The following DMPK variants were observed in gnomAD, a reference collection of about 807,000 sequenced individuals.
DMPK encodes DM1 protein kinase, also known as myotonin-protein kinase.
A neutral mutation model predicts 70.3 loss-of-function variants in DMPK; 32 were observed. That is an observed-to-expected ratio of 0.46 (90% CI 0.34 to 0.61). The LOEUF (loss-of-function observed/expected upper bound fraction) is 0.61. DMPK is among the 20% of genes least tolerant of loss of function. DMPK has a pLI of 0.01. For synonymous variants in DMPK, 469 were observed against 390.9 expected (o/e 1.20, Z -2.36); for missense variants, 899 against 886.0 (o/e 1.01, Z -0.19).
In DMPK at chr19:45,777,668, T is replaced by C; in HGVS notation, c.881A>G (p.Lys294Arg). Residue 294 changes from lysine (K) to arginine (R), a missense_variant and splice_region_variant, in exon 7 of 15, where the codon AAG becomes AGG. Around this residue, in one of 3 missense-constraint regions of DMPK, gnomAD observed 555 missense variants for 483.8 expected, o/e 1.15. Coordinates refer to ENST00000291270, the MANE Select transcript of DMPK (RefSeq NM_004409.5). The surrounding 1 kb of genome is among the most constrained non-coding windows in gnomAD (Gnocchi z 6.7). ...AETYGKIVHY[K>R]EHLSLPLVDE... ...AGGTCTCCCTGCGGCCGTGCTCACC[T>C]TGTAGTGGACGATCTTGCCATAGGT... The C allele has an allele frequency of 6.2e-7, 1 of 1,613,950 alleles. No individual in the cohort carries two copies. Among genetic ancestry groups the C allele is most frequent in the Non-Finnish European group, 8.5e-7 (1 of 1,180,010 alleles).
chr19:45,778,434 C>A, intron 5 of DMPK, 59 bp downstream of exon 5: 6 of 1,590,482 alleles, frequency 3.8e-6, no homozygotes, highest in Non-Finnish European at 5.1e-6. Context: ...TGGGCTCTGA[C>A]CTTCCAAGAA....
intron 12 of DMPK, 58 bp downstream of exon 12, chr19:45,771,510 G>C: frequency 6.2e-7 from 1 of 1,612,198 alleles, no homozygotes; most frequent in Non-Finnish European, 8.5e-7. Context: ...ACGCCCCGCG[G>C]AGCAGACGGC....
At chr19:45,770,666 C>T (rs1203071214) in intron 14 of DMPK, 26 bp from the exon 15 acceptor site, 2 of 1,548,008 alleles carry the variant, frequency 1.3e-6, no homozygotes, top group East Asian at 2.4e-5. Flanking sequence ...GAGGTCAACA[C>T]CCGGCATGGG....
rs1325486631 is a variant in DMPK at position 45,779,767 on chromosome 19, G to A, written c.252+11C>T. 1.3e-6 allele frequency: 2 copies of A among 1,548,346 alleles called. No individual in the cohort carries two copies. Among genetic ancestry groups the A allele is most frequent in the African/African-American group, 1.4e-5 (1 of 73,040 alleles). On this transcript the variant is annotated intron_variant, in intron 2 of 14. Coordinates refer to ENST00000291270, the MANE Select transcript of DMPK (RefSeq NM_004409.5). The stretch of plus-strand genomic sequence containing the variant: ...ACGAGTCAAGTCAGGCTCCCGCCCG[G>A]TTCGGCTTACCTCGCTGAACGCCCC...
Position 45,770,458 on chromosome 19 carries a change from G to A in DMPK, c.*30C>T, listed in dbSNP as rs1969314982. On this transcript the variant is annotated 3_prime_UTR_variant, in exon 15 of 15. Transcript: ENST00000291270. ...GCCCCGGGCACTCAGTCTTCCAACG[G>A]GGCCCCGGAGTCGAAGACAGTTCTA... 6.5e-7 allele frequency: 1 copy of A among 1,549,130 alleles called. No individual in the cohort carries two copies. The highest frequency in any genetic ancestry group is 1.2e-5 in the South Asian group (1 of 83,986).
In DMPK at chr19:45,779,368, C is replaced by A; in HGVS notation, c.337-9G>T. The A allele has an allele frequency of 6.2e-7, 1 of 1,614,082 alleles. No individual in the cohort carries two copies. Among genetic ancestry groups the A allele is most frequent in the East Asian group, 2.2e-5 (1 of 44,890 alleles). ...TCACGGAAGCACGACACCTGCAGGG[C>A]ACCCGGAGGAGCTGCAGCCGGAGAC... On this transcript the variant is annotated splice_polypyrimidine_tract_variant and intron_variant, in intron 3 of 14. Coordinates refer to ENST00000291270, the MANE Select transcript of DMPK (RefSeq NM_004409.5).
Position 45,770,606 on chromosome 19 carries a change from A to G in DMPK, c.1772T>C (p.Leu591Pro). ...PRPGLSEALS[L>P]LLFAVVLSRA... is the part of the protein sequence containing the mutation. ...AGACAGAACAACGGCGAACAGGAGC[A>G]GGGAAAGCGCCTCCGATAGGCCAGG... The change falls in exon 15 of 15, where the codon CTG becomes CCG. Residue 591 changes from leucine to proline, a missense_variant. Physicochemically the swap from Leu to Pro is moderately conservative, Grantham distance 98. This residue lies in a region of DMPK where 555 missense variants were observed against 483.8 expected (regional missense o/e 1.15). Coordinates refer to ENST00000291270, the MANE Select transcript of DMPK (RefSeq NM_004409.5). The G allele has an allele frequency of 1.3e-6, 2 of 1,553,006 alleles. No homozygotes were observed. Among genetic ancestry groups the G allele is most frequent in the Admixed American group, 2.0e-5 (1 of 51,226 alleles).
chr19:45,779,413 C>T, intron 3 of DMPK, 26 bp downstream of exon 3: 1 of 1,613,858 alleles, frequency 6.2e-7, no homozygotes, highest in South Asian at 1.1e-5. Flanking sequence ...ATCCTCAAAG[C>T]CCCCCACGTC....
chr19:45,771,421 G>A (rs1247891650), intron 12 of DMPK, 25 bp from the exon 13 acceptor site: 1 of 1,610,938 alleles, frequency 6.2e-7, no homozygotes, highest in Admixed American at 1.7e-5. Flanking sequence ...AAGAGGCATA[G>A]GGCGCGTGGA....
chr19:45,770,999 T>C lies in DMPK; in HGVS notation c.1709A>G (p.His570Arg). 1 of 1,444,518 alleles carries C rather than the reference T, an allele frequency of 6.9e-7. No individual in the cohort carries two copies. The highest frequency in any genetic ancestry group is 1.4e-5 in the South Asian group (1 of 69,222). The allele number at this position is 1,444,518 out of a possible 1,614,324, so 89.5% of individuals were successfully genotyped here. A position where few individuals can be genotyped will look rare whatever the true frequency, so the allele number is the denominator to read the frequency against. Residue 570 changes from histidine (H) to arginine (R), a missense_variant, in exon 14 of 15, where the codon CAC becomes CGC. His to Arg is a conservative substitution (Grantham distance 29, BLOSUM62 0). This residue lies in a region of DMPK where 555 missense variants were observed against 483.8 expected (regional missense o/e 1.15). Transcript: ENST00000291270. ...GGCAGGGAGCAGCAGGTGGCGGCGG[T>C]GCATGGGGCCTGGCCCCACCAGCGG... ...QCPLVGPGPM[H>R]RRHLLLPARV...
rs1419765417 is a variant in DMPK at position 45,770,951 on chromosome 19, G to C, written c.1737+20C>G. On this transcript the variant is annotated intron_variant, in intron 14 of 14. Coordinates refer to ENST00000291270, the MANE Select transcript of DMPK (RefSeq NM_004409.5). ...GCGCGGGGCGCGACGGCGGAGGGGG[G>C]CGTGGGCAGCCGGACGTACCCTGGC... 2 of 1,410,718 alleles carry C rather than the reference G, an allele frequency of 1.4e-6. No individual in the cohort carries two copies. Among genetic ancestry groups the C allele is most frequent in the African/African-American group, 3.0e-5 (2 of 66,996 alleles). The allele number at this position is 1,410,718 out of a possible 1,614,324, so 87.4% of individuals were successfully genotyped here. A position where few individuals can be genotyped will look rare whatever the true frequency, so the allele number is the denominator to read the frequency against.
At chr19:45,770,690 C>G in intron 14 of DMPK, 50 bp from the exon 15 acceptor site, 2 of 1,535,178 alleles carry the variant, frequency 1.3e-6, no homozygotes, top group East Asian at 2.5e-5. Flanking sequence ...CTGATTGGCT[C>G]CTGGGACTCG....
intron 1 of DMPK, chr19:45,780,231 G>C: frequency 2.7e-6 from 4 of 1,483,914 alleles, no homozygotes; most frequent in Non-Finnish European, 3.6e-6. Flanking sequence ...CCTGACTCCA[G>C]GTGACAGTTC....
intron 1 of DMPK, chr19:45,780,108 G>C: frequency 2.7e-6 from 4 of 1,475,440 alleles, no homozygotes; most frequent in Non-Finnish European, 3.6e-6. Flanking sequence ...CATTGGCCCA[G>C]AGGGCTCCAA....
chr19:45,778,656 G>C lies in DMPK; in HGVS notation c.433-15C>G, dbSNP rs765503777. ...ATGACCAGGTACTGAGAAGGGGTTC[G>C]TCATGGGTGGTTGGTAGTCCCCTGA... On this transcript the variant is annotated splice_polypyrimidine_tract_variant and intron_variant, in intron 4 of 14. Coordinates refer to ENST00000291270, the MANE Select transcript of DMPK (RefSeq NM_004409.5). 1.9e-6 allele frequency: 3 copies of C among 1,611,414 alleles called. No homozygotes were observed. The highest frequency in any genetic ancestry group is 2.5e-6 in the Non-Finnish European group (3 of 1,178,602).
chr19:45,778,772 CAT>C, intron 4 of DMPK, 131 bp from the exon 5 acceptor site: 2 of 970,098 alleles, frequency 2.1e-6, no homozygotes, highest in Non-Finnish European at 3.0e-6. Context: ...CAGAGATAAC[CAT>C]AGAGATCTGC....
intron 1 of DMPK, 107 bp downstream of exon 1, chr19:45,782,086 T>C: frequency 9.5e-7 from 1 of 1,047,188 alleles, no homozygotes; most frequent in Non-Finnish European, 1.3e-6. Flanking sequence ...GATCTCCCCA[T>C]GCCCATCCTG....
At chr19:45,782,150 C>A in intron 1 of DMPK, 43 bp downstream of exon 1, 1 of 1,048,588 alleles carries the variant, frequency 9.5e-7, no homozygotes, top group South Asian at 2.1e-5. Context: ...TCTCCTGCCC[C>A]ACCCCCACCC....
chr19:45,771,120 CGA>C (rs762251907), intron 13 of DMPK, 60 bp from the exon 14 acceptor site: 5 of 1,346,802 alleles, frequency 3.7e-6, no homozygotes, highest in East Asian at 2.6e-5. Context: ...AGCGGTGGGG[CGA>C]GAGACAGCGA....
Sources: gnomAD v4.1 joint callset for allele counts on GRCh38, gnomAD v4.1.1 for gene constraint, gnomAD v4.1.1 regional missense constraint, Gnocchi (gnomAD v3.1) non-coding constraint, MANE v1.5 for transcripts, NCBI Gene and HGNC (gene_info 2026-07-23, HGNC 2026-07-21) for gene names.